HACE1: variants seen among roughly 807,000 people sequenced by gnomAD.
HACE1 encodes the protein E3 ubiquitin-protein ligase HACE1.
In HACE1, 73 loss-of-function variants were observed where a neutral mutation model predicts 118.4. The ratio of observed to expected loss-of-function variants is 0.62; its 90% confidence interval spans 0.51 to 0.75. The LOEUF is 0.75. Among genes scored for constraint, HACE1 ranks in the 30% least tolerant of loss-of-function variants. The pLI, the probability that HACE1 is intolerant of heterozygous loss-of-function variation, is 0.00. For synonymous variants in HACE1, 368 were observed against 374.8 expected (o/e 0.98, Z 0.21); for missense variants, 749 against 1,102.2 (o/e 0.68, Z 4.54).
At chr6:104,828,535 G>T (rs1161068980) in intron 6 of HACE1, among the ~76,000 whole-genome samples, 1 of 151,886 alleles carries the variant, frequency 6.6e-6, no homozygotes, top group African/African-American at 2.4e-5. Context: ...TCTAAGAAAA[G>T]TTATATAAAA....
chr6:104,783,495 A>G (rs1352385656), intron 14 of HACE1, among the ~76,000 whole-genome samples: 1 of 152,176 alleles, frequency 6.6e-6, no homozygotes, highest in Non-Finnish European at 1.5e-5. Flanking sequence ...CATTATCTCC[A>G]TTTTGTAGAT....
intron 22 of HACE1, among the ~76,000 whole-genome samples, chr6:104,739,707 C>T (rs372441194): frequency 6.6e-6 from 1 of 151,352 alleles, no homozygotes; most frequent in African/African-American, 2.4e-5. Context: ...GACTCCCACA[C>T]ATTAATAATG....
chr6:104,836,112 C>A (rs1255413740), intron 5 of HACE1, among the ~76,000 whole-genome samples: 1 of 152,036 alleles, frequency 6.6e-6, no homozygotes, highest in African/African-American at 2.4e-5. Flanking sequence ...GGATATGAGA[C>A]CCATATAACA....
intron 6 of HACE1, among the ~76,000 whole-genome samples, chr6:104,830,219 A>C (rs1773720377): frequency 6.6e-6 from 1 of 152,192 alleles, no homozygotes; most frequent in Non-Finnish European, 1.5e-5. Context: ...GGCTAGACTC[A>C]TTCTCTAATA....
chr6:104,773,119 T>G (rs1032658365), intron 17 of HACE1, among the ~76,000 whole-genome samples: 5 of 152,190 alleles, frequency 3.3e-5, no homozygotes, highest in Admixed American at 1.3e-4. Context: ...TCTTTTCCTA[T>G]TTTTCCTATT....
chr6:104,835,014 T>C (rs1774386024), intron 5 of HACE1, among the ~76,000 whole-genome samples: 1 of 152,214 alleles, frequency 6.6e-6, no homozygotes, highest in Non-Finnish European at 1.5e-5. Context: ...TAAGTGCAAG[T>C]TTAAATATTG....
chr6:104,793,510 T>C (rs1329894378), intron 10 of HACE1, among the ~76,000 whole-genome samples: 1 of 152,198 alleles, frequency 6.6e-6, no homozygotes, highest in African/African-American at 2.4e-5. Context: ...AAATGTTTAT[T>C]ATCTTTAGCA....
intron 19 of HACE1, among the ~76,000 whole-genome samples, chr6:104,759,633 G>A (rs2168392): frequency 0.57 from 85,990 of 151,888 alleles, 25,958 homozygotes; most frequent in African/African-American, 0.8. Context: ...CATCACAATT[G>A]AAAGAACTAG....
Position 104,750,347 on chromosome 6 carries a change from A to G in HACE1, c.2337T>C (p.Tyr779=). The part of the protein sequence containing the change: ...PPSLIQLFDE[Y]ELELLLSGMP... ...AACTGATGTTTTTCCTTACCAATTC[A>G]TATTCATCAAAAAGCTGTATGAGGG... Residue 779 remains tyrosine (Y), a synonymous_variant, in exon 20 of 24, where the codon TAT becomes TAC. Transcript: ENST00000262903. 1 of 1,612,538 alleles carries G rather than the reference A, an allele frequency of 6.2e-7. No individual in the cohort carries two copies. Among genetic ancestry groups the G allele is most frequent in the Non-Finnish European group, 8.5e-7 (1 of 1,178,842 alleles).
At chr6:104,733,645 T>C (rs1389886934) in intron 22 of HACE1, among the ~76,000 whole-genome samples, 1 of 146,190 alleles carries the variant, frequency 6.8e-6, no homozygotes, top group African/African-American at 2.5e-5. Flanking sequence ...TTGAGATCAG[T>C]AGGGACCAGA....
intron 17 of HACE1, among the ~76,000 whole-genome samples, chr6:104,773,580 C>G (rs540046187): frequency 1.3e-5 from 2 of 151,944 alleles, no homozygotes; most frequent in African/African-American, 4.8e-5. Flanking sequence ...TAATCATAAT[C>G]CCAAAAATAT....
chr6:104,779,534 G>C (rs545193341), intron 14 of HACE1, among the ~76,000 whole-genome samples: 60 of 152,236 alleles, frequency 3.9e-4, no homozygotes, highest in African/African-American at 1.4e-3. Flanking sequence ...GGTGTTATAT[G>C]CATTACTGTG....
intron 19 of HACE1, among the ~76,000 whole-genome samples, chr6:104,755,456 C>A (rs901255322): frequency 6.6e-6 from 1 of 152,158 alleles, no homozygotes; most frequent in African/African-American, 2.4e-5. Context: ...GAACTTCCCA[C>A]CGAAATTCAA....
intron 19 of HACE1, among the ~76,000 whole-genome samples, chr6:104,752,668 C>T (rs1013760262): frequency 4.7e-4 from 71 of 152,104 alleles, no homozygotes; most frequent in African/African-American, 1.4e-3. Context: ...TAATTGCATT[C>T]CATATCTATC....
At chr6:104,820,194 C>CA (rs60172674) in intron 6 of HACE1, among the ~76,000 whole-genome samples, 3,975 of 57,982 alleles carry the variant, frequency 0.069, 185 homozygotes, top group African/African-American at 0.17. Flanking sequence ...GACTCCGTCT[C>CA]AAAAAAAAAA....
chr6:104,855,182 C>G (rs557669542), intron 1 of HACE1, among the ~76,000 whole-genome samples: 8 of 152,244 alleles, frequency 5.3e-5, no homozygotes, highest in African/African-American at 1.4e-4. Flanking sequence ...CAGTGGCTCA[C>G]GCCTGTAATC....
intron 22 of HACE1, among the ~76,000 whole-genome samples, chr6:104,740,345 C>CA (rs1204448985): frequency 2.0e-5 from 3 of 150,630 alleles, no homozygotes; most frequent in African/African-American, 7.4e-5. Context: ...AATAGAGACA[C>CA]AAAAAACCCT....
chr6:104,831,975 GAAGAGAGGA>G (rs1476828047), intron 6 of HACE1, among the ~76,000 whole-genome samples: 454 of 53,166 alleles, frequency 8.5e-3, no homozygotes, highest in African/African-American at 0.02. Flanking sequence ...GAAGAGAAGA[GAAGAGAGGA>G]AGGAAGGAAG....
At chr6:104,793,840 C>T (rs1783329000) in intron 10 of HACE1, among the ~76,000 whole-genome samples, 2 of 152,142 alleles carry the variant, frequency 1.3e-5, no homozygotes, top group Admixed American at 1.3e-4. Context: ...TACTCACTAC[C>T]AACCCCAACA....
Sources: gnomAD v4.1 joint callset for allele counts (sites outside exome capture counted in the v4.1 genomes callset) on GRCh38, gnomAD v4.1.1 for gene constraint, MANE v1.5 for transcripts, NCBI Gene and HGNC (gene_info 2026-07-23, HGNC 2026-07-21) for gene names.